Variants in ULK4 observed in about 807,000 individuals in gnomAD.
ULK4 encodes unc-51 like kinase 4.
Under a neutral mutation model 160.6 loss-of-function variants are expected in ULK4, and 133 were observed. That is an observed-to-expected ratio of 0.83 (90% CI 0.72 to 0.96). The LOEUF (loss-of-function observed/expected upper bound fraction) is 0.96, where lower values mean the gene tolerates loss of function less well. Among genes scored for constraint, ULK4 ranks in the 40% least tolerant of loss-of-function variants. ULK4 has a pLI of 0.00. For synonymous variants in ULK4, 534 were observed against 539.8 expected, an observed-to-expected ratio of 0.99 and a Z score of 0.15; for missense variants, 1,580 against 1,499.5, an observed-to-expected ratio of 1.05 and a Z score of -0.89.
At chr3:41,409,489 G>A (rs1575525051) in intron 34 of ULK4, among the ~76,000 whole-genome samples, 1 of 151,982 alleles carries the variant, frequency 6.6e-6, no homozygotes, top group Non-Finnish European at 1.5e-5. Flanking sequence ...TACCTAATAA[G>A]GGACTTGTAT....
intron 35 of ULK4, among the ~76,000 whole-genome samples, chr3:41,290,375 T>C (rs1336542430): frequency 3.3e-5 from 5 of 152,154 alleles, no homozygotes; most frequent in South Asian, 2.1e-4. Context: ...CTTTAACAGA[T>C]GGGGAAATTG....
intron 34 of ULK4, among the ~76,000 whole-genome samples, chr3:41,438,617 G>A (rs986184070): frequency 1.4e-4 from 21 of 152,030 alleles, no homozygotes; most frequent in Non-Finnish European, 5.9e-5. Flanking sequence ...AGCAGTTTGA[G>A]ACCAGCCTGG....
At chr3:41,410,812 T>C (rs960726270) in intron 34 of ULK4, among the ~76,000 whole-genome samples, 1 of 151,968 alleles carries the variant, frequency 6.6e-6, no homozygotes, top group African/African-American at 2.4e-5. Context: ...CAGGGAAAAA[T>C]GAAACAAAAC....
chr3:41,571,228 A>G (rs2087960597), intron 31 of ULK4, among the ~76,000 whole-genome samples: 1 of 152,092 alleles, frequency 6.6e-6, no homozygotes, highest in East Asian at 1.9e-4. Context: ...CAGCGGAGGG[A>G]GACCTTGGAG....
intron 35 of ULK4, among the ~76,000 whole-genome samples, chr3:41,393,780 G>T (rs1355162289): frequency 6.6e-6 from 1 of 152,124 alleles, no homozygotes; most frequent in Admixed American, 6.5e-5. Context: ...CTGGATCAAA[G>T]TTCAGTCCAA....
Position 41,938,169 on chromosome 3 carries a change from T to C in ULK4, c.167A>G (p.Lys56Arg), listed in dbSNP as rs1245241974. The C allele has an allele frequency of 6.2e-7, 1 of 1,613,382 alleles. No individual in the cohort carries two copies. Among genetic ancestry groups the C allele is most frequent in the Non-Finnish European group, 8.5e-7 (1 of 1,179,690 alleles). ...WVRLTREIKH[K>R]NIVTFHEWYE... ...CCATTCATGAAAAGTTACAATATTC[T>C]TGTGTTTTATTTCACGGGTGAGACG... Residue 56 changes from lysine (K) to arginine (R), a missense_variant, in exon 3 of 37, where the codon AAG (lysine) becomes AGG (arginine). Lys to Arg is a conservative substitution (Grantham distance 26). Coordinates refer to ENST00000301831, the MANE Select transcript of ULK4 (RefSeq NM_017886.4).
chr3:41,916,624 C>T (rs1698974715), intron 7 of ULK4, among the ~76,000 whole-genome samples: 1 of 152,048 alleles, frequency 6.6e-6, no homozygotes, highest in Non-Finnish European at 1.5e-5. Flanking sequence ...CTCCTGGGCT[C>T]CAGTGATCCA....
At chr3:41,882,015 TAGA>T in intron 17 of ULK4, 1 of 488,478 alleles carries the variant, frequency 2.0e-6, no homozygotes, top group South Asian at 2.3e-5. Flanking sequence ...CAAGTACCAG[TAGA>T]ATGAGGCCAT....
chr3:41,438,383 G>T (rs1248884593), intron 34 of ULK4, among the ~76,000 whole-genome samples: 1 of 152,044 alleles, frequency 6.6e-6, no homozygotes, highest in East Asian at 1.9e-4. Context: ...ATGTGCCAGG[G>T]GTAAAGCTGA....
intron 21 of ULK4, among the ~76,000 whole-genome samples, chr3:41,758,973 T>C (rs1442982671): frequency 1.3e-5 from 2 of 151,740 alleles, no homozygotes; most frequent in Non-Finnish European, 1.5e-5. Context: ...TTTTACAAAA[T>C]TCAACATCCA....
At position 41,798,361 on chromosome 3, in the gene ULK4, T is replaced by C. The variant is rs566286343; in HGVS notation, c.2010+1771A>G. On this transcript the variant is annotated intron_variant, in intron 20 of 36. Coordinates refer to ENST00000301831, the MANE Select transcript of ULK4 (RefSeq NM_017886.4). ...TTCACTGGTATACTTTGTAACTGTT[T>C]CTGATTGTTTACCTGTAATTATTAA... Among the ~76,000 whole-genome samples, 110 of 152,348 alleles carry C rather than the reference T, an allele frequency of 7.2e-4. 1 individual carries two copies. Among genetic ancestry groups the C allele is most frequent in the Middle Eastern group, 3.4e-3 (1 of 294 alleles).
Position 41,395,648 on chromosome 3 carries a change from A to G in ULK4, c.3678+2431T>C, listed in dbSNP as rs117618946. Among the ~76,000 whole-genome samples the G allele has an allele frequency of 4.3e-4, 65 of 152,296 alleles. No individual in the cohort carries two copies. The East Asian group carries it at 0.011, about 26-fold the overall frequency. On this transcript the variant is annotated intron_variant, in intron 35 of 36. Transcript: ENST00000301831. ...AGGAGGAGTGGGAAGTTATTGTTTA[A>G]TAGGCACAGAGTTTCAGTTTGGGAA...
At chr3:41,922,094 A>G (rs1699205914) in intron 5 of ULK4, among the ~76,000 whole-genome samples, 1 of 152,214 alleles carries the variant, frequency 6.6e-6, no homozygotes, top group Non-Finnish European at 1.5e-5. Context: ...CGGAGCTTGC[A>G]GTGAGCCAAG....
At chr3:41,645,576 T>C (rs1426822215) in intron 30 of ULK4, among the ~76,000 whole-genome samples, 1 of 152,194 alleles carries the variant, frequency 6.6e-6, no homozygotes, top group Non-Finnish European at 1.5e-5. Context: ...ATAATTTCTG[T>C]TCTTTTACAT....
At chr3:41,328,741 A>G (rs1297935545) in intron 35 of ULK4, among the ~76,000 whole-genome samples, 2 of 152,084 alleles carry the variant, frequency 1.3e-5, no homozygotes, top group Admixed American at 1.3e-4. Flanking sequence ...CTGATCCCCC[A>G]GGCAGAAGTA....
At chr3:41,530,432 T>C (rs2086264994) in intron 32 of ULK4, among the ~76,000 whole-genome samples, 4 of 152,296 alleles carry the variant, frequency 2.6e-5, no homozygotes, top group Admixed American at 1.3e-4. Context: ...ATGATTATTT[T>C]GGTGGTATTG....
intron 17 of ULK4, among the ~76,000 whole-genome samples, chr3:41,881,008 A>G (rs1697497351): frequency 6.6e-6 from 1 of 152,158 alleles, no homozygotes; most frequent in South Asian, 2.1e-4. Context: ...GAGTAAACCT[A>G]ATAGAGAATT....
chr3:41,592,061 G>A (rs1000791055), intron 31 of ULK4, among the ~76,000 whole-genome samples: 3 of 152,160 alleles, frequency 2.0e-5, no homozygotes, highest in Non-Finnish European at 4.4e-5. Context: ...AAAGCCGAGA[G>A]AACCCACAGA....
intron 32 of ULK4, among the ~76,000 whole-genome samples, chr3:41,487,609 T>C (rs188110288): frequency 6.6e-6 from 1 of 152,234 alleles, no homozygotes; most frequent in East Asian, 1.9e-4. Flanking sequence ...GAGGAATAAG[T>C]AATTATGGTA....
Sources: allele counts gnomAD v4.1 joint callset (sites outside exome capture counted in the v4.1 genomes callset), GRCh38; gene constraint gnomAD v4.1.1; transcripts MANE v1.5; gene names NCBI Gene and HGNC (gene_info 2026-07-23, HGNC 2026-07-21).